The following SYNE1 variants were observed in gnomAD, a reference collection of about 807,000 sequenced individuals.
The protein encoded by SYNE1 is nesprin-1.
A neutral mutation model predicts 1,111.0 loss-of-function variants in SYNE1; 616 were observed. That is an observed-to-expected ratio of 0.55 (90% CI 0.52 to 0.59). SYNE1 has a LOEUF of 0.59. SYNE1 is among the 20% of genes least tolerant of loss of function. The probability of loss-of-function intolerance (pLI) is 0.00; values close to 1 mark genes in which losing one functional copy is unlikely to be tolerated. For synonymous variants in SYNE1, 3,855 were observed against 3,825.8 expected, an observed-to-expected ratio of 1.01 and a Z score of -0.28; for missense variants, 10,006 against 10,417.0, an observed-to-expected ratio of 0.96 and a Z score of 1.72.
At chr6:152,491,996 C>T (rs763348921) in intron 11 of SYNE1, among the ~76,000 whole-genome samples, 39 of 152,166 alleles carry the variant, frequency 2.6e-4, no homozygotes, top group Non-Finnish European at 4.3e-4. Flanking sequence ...ACCTGCCCAA[C>T]GATTTCCTCT....
chr6:152,261,203 G>A (rs1223361883), intron 101 of SYNE1, among the ~76,000 whole-genome samples: 1 of 152,162 alleles, frequency 6.6e-6, no homozygotes, highest in African/African-American at 2.4e-5. Context: ...CGATAATACT[G>A]CTGACTTGGA....
intron 39 of SYNE1, among the ~76,000 whole-genome samples, chr6:152,421,677 T>A (rs1417559057): frequency 9.4e-6 from 1 of 106,450 alleles, no homozygotes; most frequent in African/African-American, 3.7e-5. Context: ...CTTATTTTAT[T>A]TATTTATTTA....
chr6:152,542,439 TG>T (rs1354695947), intron 3 of SYNE1, among the ~76,000 whole-genome samples: 2 of 152,180 alleles, frequency 1.3e-5, no homozygotes, highest in African/African-American at 4.8e-5. Context: ...TACCAGGCAC[TG>T]ACATTTAGAT....
chr6:152,447,391 G>C, intron 29 of SYNE1, 67 bp downstream of exon 29: 1 of 1,559,640 alleles, frequency 6.4e-7, no homozygotes, highest in South Asian at 1.1e-5. Context: ...ACTACAACCA[G>C]AAGAAAAAGA....
intron 6 of SYNE1, among the ~76,000 whole-genome samples, chr6:152,517,704 T>C (rs901879691): frequency 2.6e-5 from 4 of 152,134 alleles, no homozygotes; most frequent in Non-Finnish European, 4.4e-5. Context: ...TTCCAGGACA[T>C]ATTGATAAGT....
At position 152,143,639 on chromosome 6, in the gene SYNE1, G is replaced by A. The variant is rs371476665; in HGVS notation, c.25103C>T (p.Thr8368Ile). The A allele has an allele frequency of 9.3e-6, 15 of 1,614,062 alleles. No homozygotes were observed. The African/African-American group carries it at 1.9e-4, about 20-fold the overall frequency. The change falls in exon 138 of 146, where the codon ACC (threonine) becomes ATC (isoleucine). Residue 8368 changes from threonine to isoleucine, a missense_variant. Around this residue, in one of 7 missense-constraint regions of SYNE1, gnomAD observed 761 missense variants for 795.5 expected, o/e 0.96. Transcript: ENST00000367255. ...SKTPTGPELD[T>I]SYKGYMKLLG... ...GATACTTACGTAGCCTTTGTAGCTG[G>A]TGTCTAGCTCCGGCCCCGTGGGAGT... is the stretch of plus-strand genomic sequence containing the variant.
chr6:152,415,180 G>GA (rs1242722438), intron 41 of SYNE1, among the ~76,000 whole-genome samples: 1 of 151,746 alleles, frequency 6.6e-6, no homozygotes, highest in South Asian at 2.1e-4. Flanking sequence ...CTATTAAGAA[G>GA]AAAAAAAATT....
intron 105 of SYNE1, among the ~76,000 whole-genome samples, chr6:152,247,349 A>G (rs1248785958): frequency 6.6e-6 from 1 of 152,192 alleles, no homozygotes; most frequent in African/African-American, 2.4e-5. Flanking sequence ...TTATTTCTTC[A>G]TCTGTGACAT....
At chr6:152,202,491 A>T (rs1003422296) in intron 126 of SYNE1, among the ~76,000 whole-genome samples, 3 of 151,856 alleles carry the variant, frequency 2.0e-5, no homozygotes, top group Non-Finnish European at 4.4e-5. Context: ...TGACTCTGTT[A>T]CTGACTATCT....
Position 152,140,156 on chromosome 6 carries a change from T to A in SYNE1, c.25252A>T (p.Ile8418Phe), listed in dbSNP as rs1261636743. 15 of 1,614,078 alleles carry A rather than the reference T, an allele frequency of 9.3e-6. No individual in the cohort carries two copies. The highest frequency in any genetic ancestry group is 1.2e-5 in the Non-Finnish European group (14 of 1,180,038). Residue 8418 changes from isoleucine to phenylalanine, a missense_variant, in exon 140 of 146, where the codon ATT (isoleucine) becomes TTT (phenylalanine). Physicochemically the swap from Ile to Phe is conservative, Grantham distance 21 (BLOSUM62 0). This residue lies in a region of SYNE1 where 761 missense variants were observed against 795.5 expected (regional missense o/e 0.96). Coordinates refer to ENST00000367255, the MANE Select transcript of SYNE1 (RefSeq NM_182961.4). Reference protein sequence around the residue: ...HSTETQTAGVIDRWELLQAQA... With the variant: ...HSTETQTAGVFDRWELLQAQA... ...GCCTGGAGAAGCTCCCATCGGTCAA[T>A]CACACCTGGCAAGACATGCATAGAA...
At chr6:152,561,088 A>C (rs2128225454) in intron 3 of SYNE1, among the ~76,000 whole-genome samples, 1 of 152,290 alleles carries the variant, frequency 6.6e-6, no homozygotes, top group South Asian at 2.1e-4. Context: ...TTAAGCAAGC[A>C]AAAGCAATAA....
At chr6:152,578,352 C>A (rs144578247) in intron 3 of SYNE1, among the ~76,000 whole-genome samples, 35 of 152,142 alleles carry the variant, frequency 2.3e-4, no homozygotes, top group African/African-American at 8.4e-4. Context: ...CCCAGCACTT[C>A]GGGAAGCTGA....
rs114541946 is a variant in SYNE1, at chr6:152,564,895, T to A, written c.68-24874A>T. On this transcript the variant is annotated intron_variant, in intron 3 of 145. Transcript: ENST00000367255. ...TGTAAACTAGAGACAAAAATAATAA[T>A]GAAAACCTCCTAGAATCACTGTAAA... Among the ~76,000 whole-genome samples the A allele has an allele frequency of 5.3e-3, 810 of 152,258 alleles. 3 individuals carry two copies. Among genetic ancestry groups the A allele is most frequent in the African/African-American group, 0.019 (789 of 41,560 alleles).
At chr6:152,630,687 T>C (rs1324329524) in intron 2 of SYNE1, among the ~76,000 whole-genome samples, 2 of 152,186 alleles carry the variant, frequency 1.3e-5, no homozygotes, top group African/African-American at 2.4e-5. Context: ...GCATGTATGT[T>C]AAAGACATTC....
rs1452716475 is a variant in SYNE1 at position 152,140,019 on chromosome 6, C to T, written c.25389G>A (p.Leu8463=). ...TGAGTTCCAGACGCTGGAGCTGTTCCAACTCCTCCTCCGTGTCCCCCAGCC... is the reference window on the plus strand; with the variant it reads ...TGAGTTCCAGACGCTGGAGCTGTTCTAACTCCTCCTCCGTGTCCCCCAGCC... ...WAWLGDTEEE[L]EQLQRLELST... The change falls in exon 140 of 146, where the codon TTG becomes TTA. Residue 8463 remains leucine (L), a synonymous_variant. Coordinates refer to ENST00000367255, the MANE Select transcript of SYNE1 (RefSeq NM_182961.4). 6.2e-7 allele frequency: 1 copy of T among 1,614,000 alleles called. No homozygotes were observed. Among genetic ancestry groups the T allele is most frequent in the African/African-American group, 1.3e-5 (1 of 74,916 alleles).
intron 24 of SYNE1, among the ~76,000 whole-genome samples, chr6:152,453,985 A>C (rs542072922): frequency 6.6e-6 from 1 of 152,352 alleles, no homozygotes; most frequent in Admixed American, 6.5e-5. Context: ...AATATTCCAA[A>C]AGGAATATCT....
chr6:152,197,982 C>T (rs530274365), intron 127 of SYNE1, among the ~76,000 whole-genome samples: 16 of 140,112 alleles, frequency 1.1e-4, no homozygotes, highest in African/African-American at 2.7e-4. Flanking sequence ...GCCTGGGCAA[C>T]AAGAGCAAAA....
chr6:152,370,405 T>C (rs969948267), intron 59 of SYNE1, among the ~76,000 whole-genome samples: 1 of 152,184 alleles, frequency 6.6e-6, no homozygotes, highest in Admixed American at 6.5e-5. Context: ...TTAATGAGGG[T>C]ACAAGAAGTA....
At chr6:152,284,529 G>A (rs961072871) in intron 95 of SYNE1, among the ~76,000 whole-genome samples, 5 of 151,478 alleles carry the variant, frequency 3.3e-5, no homozygotes, top group Non-Finnish European at 7.4e-5. Flanking sequence ...TATGATCACA[G>A]CTCACTGTAA....
Sources: gnomAD v4.1 joint callset for allele counts (sites outside exome capture counted in the v4.1 genomes callset) on GRCh38, gnomAD v4.1.1 for gene constraint, gnomAD v4.1.1 regional missense constraint, MANE v1.5 for transcripts, NCBI Gene and HGNC (gene_info 2026-07-23, HGNC 2026-07-21) for gene names.